Variants in FAM135A observed in about 807,000 individuals in gnomAD.
FAM135A encodes family with sequence similarity 135 member A, also known as protein FAM135A.
In FAM135A, 79 loss-of-function variants were observed where a neutral mutation model predicts 146.8. That is an observed-to-expected ratio of 0.54 (90% confidence interval 0.45 to 0.65). The LOEUF (loss-of-function observed/expected upper bound fraction) is 0.65, where lower values mean the gene tolerates loss of function less well. Among genes scored for constraint, FAM135A ranks in the 30% least tolerant of loss-of-function variants. The pLI is 0.00. For synonymous variants in FAM135A, 562 were observed against 603.6 expected, an observed-to-expected ratio of 0.93 and a Z score of 1.01; for missense variants, 1,623 against 1,758.2, an observed-to-expected ratio of 0.92 and a Z score of 1.38.
At chr6:70,545,606 A>G (rs963796024) in intron 20 of FAM135A, among the ~76,000 whole-genome samples, 1 of 152,112 alleles carries the variant, frequency 6.6e-6, no homozygotes. Flanking sequence ...ACAGAGCAAG[A>G]CTCCATCTCA....
rs529824763 is a variant in FAM135A at position 70,512,202 on chromosome 6, T to A, written c.1029+9411T>A. ...TCAGTCAACATAATTTCTTTTAGAT[T>A]AGCCCATGTTGTATATATTTGTAGT... On this transcript the variant is annotated intron_variant, in intron 12 of 21. Coordinates refer to ENST00000418814, the MANE Select transcript of FAM135A (RefSeq NM_001162529.3). 3.9e-5 allele frequency among the ~76,000 whole-genome samples: 6 copies of A among 152,008 alleles called. No homozygotes were observed. The East Asian group carries it at 1.2e-3, about 29-fold the overall frequency.
rs1777354180 is a variant in FAM135A, at chr6:70,452,565, G to A, written c.151G>A (p.Ala51Thr). 1.9e-6 allele frequency: 3 copies of A among 1,577,158 alleles called. No homozygotes were observed. The highest frequency in any genetic ancestry group is 2.6e-6 in the Non-Finnish European group (3 of 1,168,160). The change falls in exon 5 of 22, where the codon GCA becomes ACA. Residue 51 changes from alanine to threonine, a missense_variant. By Grantham distance (58) the Ala-to-Thr change is moderately conservative. Transcript: ENST00000418814. The part of the protein sequence containing the change: ...PHRVEASLLH[A>T]TGMTLAFPAS... ...CAGAGTAGAAGCTAGTTTGTTGCATGCAACAGGTAAGCCAAAGAATACATT... is the reference window on the plus strand; with the variant it reads ...CAGAGTAGAAGCTAGTTTGTTGCATACAACAGGTAAGCCAAAGAATACATT...
At position 70,413,714 on chromosome 6, in the gene FAM135A, A is replaced by T; in HGVS notation, c.-220+12A>T. Reference sequence around the variant, plus strand: ...GAGCCGGGCGAGAGGTAACCCCCTTACTGTCCCCTCTGGCTCCCCCGGCTC... The same window carrying T: ...GAGCCGGGCGAGAGGTAACCCCCTTTCTGTCCCCTCTGGCTCCCCCGGCTC... On this transcript the variant is annotated intron_variant, in intron 1 of 21. Transcript: ENST00000418814. 1 of 700,202 alleles carries T rather than the reference A, an allele frequency of 1.4e-6. No individual in the cohort carries two copies. Among genetic ancestry groups the T allele is most frequent in the Non-Finnish European group, 1.8e-6 (1 of 568,856 alleles). The allele number at this position is 700,202 out of a possible 1,614,324, so 43.4% of individuals were successfully genotyped here. A position where few individuals can be genotyped will look rare whatever the true frequency, so the allele number is the denominator to read the frequency against.
intron 20 of FAM135A, among the ~76,000 whole-genome samples, chr6:70,545,677 A>G (rs1179000470): frequency 2.6e-5 from 4 of 152,244 alleles, no homozygotes; most frequent in African/African-American, 9.6e-5. Context: ...ATACTAAAAT[A>G]CTGGAAAAAT....
At chr6:70,492,859 G>GT in intron 11 of FAM135A, among the ~76,000 whole-genome samples, 1 of 152,108 alleles carries the variant, frequency 6.6e-6, no homozygotes, top group East Asian at 1.9e-4. Context: ...AGTGAAACTA[G>GT]TATCTGCATA....
chr6:70,465,206 ATT>A (rs143190383), intron 5 of FAM135A, among the ~76,000 whole-genome samples: 19,139 of 151,848 alleles, frequency 0.13, 1,470 homozygotes, highest in Middle Eastern at 0.19. Flanking sequence ...CTATGACAGG[ATT>A]TTCTTTTCTA....
At chr6:70,455,109 C>T (rs944165292) in intron 5 of FAM135A, among the ~76,000 whole-genome samples, 2 of 152,076 alleles carry the variant, frequency 1.3e-5, no homozygotes, top group Non-Finnish European at 2.9e-5. Context: ...TTTAGTTGAG[C>T]AGTGGTTTGT....
rs570333847 is a variant in FAM135A, at chr6:70,472,239, C to T, written c.158-3171C>T. ...GTTTCTTCAGGCAGTGGATTCTCACCTCACGTTACCTGGGTGCTCTCAACA... is the reference window on the plus strand; with the variant it reads ...GTTTCTTCAGGCAGTGGATTCTCACTTCACGTTACCTGGGTGCTCTCAACA... On this transcript the variant is annotated intron_variant, in intron 5 of 21. Transcript: ENST00000418814. 2.6e-5 allele frequency among the ~76,000 whole-genome samples: 4 copies of T among 152,276 alleles called. No individual in the cohort carries two copies. In the East Asian group the frequency reaches 7.7e-4, roughly 29 times the overall value.
intron 4 of FAM135A, among the ~76,000 whole-genome samples, chr6:70,444,751 A>G (rs1775327887): frequency 6.6e-6 from 1 of 152,194 alleles, no homozygotes; most frequent in Non-Finnish European, 1.5e-5. Flanking sequence ...TCTAACACCT[A>G]TCACATAGAT....
chr6:70,451,691 C>G (rs181347655), intron 4 of FAM135A, among the ~76,000 whole-genome samples: 1 of 152,128 alleles, frequency 6.6e-6, no homozygotes, highest in Non-Finnish European at 1.5e-5. Context: ...GCCTTATTTG[C>G]AAATTTAATA....
At chr6:70,484,542 A>G (rs901114155) in intron 10 of FAM135A, among the ~76,000 whole-genome samples, 3 of 152,080 alleles carry the variant, frequency 2.0e-5, no homozygotes, top group Admixed American at 6.6e-5. Flanking sequence ...TTGGAAGACA[A>G]TTTTTCCACG....
Position 70,525,478 on chromosome 6 carries a change from C to A in FAM135A, c.2394C>A (p.Cys798Ter), listed in dbSNP as rs1362683504. 1.9e-6 allele frequency: 3 copies of A among 1,612,046 alleles called. No homozygotes were observed. In the Admixed American group the frequency reaches 5.0e-5, roughly 27 times the overall value. The change falls in exon 15 of 22, where the codon TGC (cysteine) becomes TGA (stop). Residue 798 changes from cysteine to a stop codon, truncating the protein, a stop_gained. Coordinates refer to ENST00000418814, the MANE Select transcript of FAM135A (RefSeq NM_001162529.3). LOFTEE classifies it high-confidence loss of function. Reference sequence around the variant, plus strand: ...AAACTGTGCAAGGGCAAGGTCCTTGCAATAGTGAAAGATTATTTCCTCAGC... The same window carrying A: ...AAACTGTGCAAGGGCAAGGTCCTTGAAATAGTGAAAGATTATTTCCTCAGC... ...VFETVQGQGP[C>*]NSERLFPQLL...
rs777237975 is a variant in FAM135A at position 70,525,952 on chromosome 6, ATCTAATAAC to A, written c.2873_2881del (p.Asn958_Ser960del). 3.1e-6 allele frequency: 5 copies of A among 1,613,474 alleles called. No homozygotes were observed. The Admixed American group carries it at 8.3e-5, about 27-fold the overall frequency. ...GTAAAGGCTTCCAGAGTCCTGATAA[ATCTAATAAC>A]TCTACAGGGACAGCAATTACATTAA... On this transcript the variant is annotated inframe_deletion, in exon 15 of 22. Transcript: ENST00000418814.
At chr6:70,539,684 T>C (rs1231424850) in intron 20 of FAM135A, among the ~76,000 whole-genome samples, 1 of 152,144 alleles carries the variant, frequency 6.6e-6, no homozygotes, top group Non-Finnish European at 1.5e-5. Context: ...GACCTCCTGG[T>C]TATCCCAGGA....
At chr6:70,414,784 T>C (rs1767176565) in intron 1 of FAM135A, among the ~76,000 whole-genome samples, 1 of 152,212 alleles carries the variant, frequency 6.6e-6, no homozygotes, top group African/African-American at 2.4e-5. Context: ...TTAAGAATTA[T>C]GTTTACCTGG....
At chr6:70,517,415 C>CTTT (rs746307665) in intron 12 of FAM135A, among the ~76,000 whole-genome samples, 175 of 127,084 alleles carry the variant, frequency 1.4e-3, no homozygotes, top group African/African-American at 4.9e-3. Context: ...CGTCTTTTTC[C>CTTT]TTTTTTTTTT....
At chr6:70,512,331 A>G (rs1291345787) in intron 12 of FAM135A, among the ~76,000 whole-genome samples, 1 of 151,974 alleles carries the variant, frequency 6.6e-6, no homozygotes, top group African/African-American at 2.4e-5. Context: ...ACATTCTTCT[A>G]CAGATCTTTT....
At chr6:70,500,341 T>G (rs1788210234) in intron 11 of FAM135A, among the ~76,000 whole-genome samples, 1 of 152,234 alleles carries the variant, frequency 6.6e-6, no homozygotes, top group South Asian at 2.1e-4. Context: ...GGGTCATTTA[T>G]GTTCCTCTCT....
chr6:70,531,898 T>C lies in FAM135A; in HGVS notation c.3776-1262T>C, dbSNP rs1395756537. Among the ~76,000 whole-genome samples, 10 of 143,548 alleles carry C rather than the reference T, an allele frequency of 7.0e-5. No homozygotes were observed. In the East Asian group the frequency reaches 1.2e-3, roughly 18 times the overall value. 94.2% of individuals were successfully genotyped at this position (143,548 alleles called of 152,430 possible). A position where few individuals can be genotyped will look rare whatever the true frequency, so the allele number is the denominator to read the frequency against. On this transcript the variant is annotated intron_variant, in intron 16 of 21. Transcript: ENST00000418814. ...TTTTTAAACTGATTTCTTTTTTTTT[T>C]TTTTTTTTTTTTTTTGAGACAGAAT... is the stretch of plus-strand genomic sequence containing the variant.
Sources: gnomAD v4.1 joint callset for allele counts (sites outside exome capture counted in the v4.1 genomes callset) on GRCh38, gnomAD v4.1.1 for gene constraint, MANE v1.5 for transcripts, NCBI Gene and HGNC (gene_info 2026-07-23, HGNC 2026-07-21) for gene names.